The following POU6F2 variants were observed in gnomAD, a reference collection of about 807,000 sequenced individuals.
The protein encoded by POU6F2 is POU class 6 homeobox 2, also known as POU domain, class 6, transcription factor 2.
Under a neutral mutation model 71.3 loss-of-function variants are expected in POU6F2, and 31 were observed. The ratio of observed to expected loss-of-function variants is 0.43; its 90% confidence interval spans 0.33 to 0.59. The LOEUF (loss-of-function observed/expected upper bound fraction) is 0.59, where lower values mean the gene tolerates loss of function less well. Among genes scored for constraint, POU6F2 ranks in the 20% least tolerant of loss-of-function variants. POU6F2 has a pLI of 0.04. For synonymous variants in POU6F2, 347 were observed against 355.7 expected (o/e 0.98, Z 0.27); for missense variants, 783 against 856.8 (o/e 0.91, Z 1.07).
intron 1 of POU6F2, among the ~76,000 whole-genome samples, chr7:38,981,403 C>T (rs1042296435): frequency 3.3e-5 from 5 of 152,098 alleles, no homozygotes; most frequent in African/African-American, 1.2e-4. Context: ...ACTGCTGTCC[C>T]CAGAGGACTT....
chr7:39,456,803 A>G (rs1412225931), intron 8 of POU6F2, among the ~76,000 whole-genome samples: 4 of 152,240 alleles, frequency 2.6e-5, no homozygotes, highest in African/African-American at 7.2e-5. Flanking sequence ...TTTAAATTTC[A>G]TAAGAATTTC....
chr7:39,329,512 G>A (rs978993623), intron 4 of POU6F2, among the ~76,000 whole-genome samples: 3 of 152,096 alleles, frequency 2.0e-5, no homozygotes, highest in Admixed American at 2.0e-4. Flanking sequence ...CTTAGGCACC[G>A]AAGTCACCGC....
At chr7:39,345,563 CAAAT>C (rs1786017244) in intron 5 of POU6F2, among the ~76,000 whole-genome samples, 3 of 152,140 alleles carry the variant, frequency 2.0e-5, no homozygotes, top group South Asian at 4.1e-4. Context: ...TTATGACAAT[CAAAT>C]AACTCTTTTG....
intron 4 of POU6F2, among the ~76,000 whole-genome samples, chr7:39,283,732 C>T (rs1380940681): frequency 6.6e-6 from 1 of 152,156 alleles, no homozygotes; most frequent in African/African-American, 2.4e-5. Context: ...TTTAAGCTTA[C>T]TTTATTTTAA....
chr7:39,231,200 A>G (rs1326579922), intron 4 of POU6F2, among the ~76,000 whole-genome samples: 1 of 152,244 alleles, frequency 6.6e-6, no homozygotes, highest in Non-Finnish European at 1.5e-5. Context: ...TGACTTTACA[A>G]TCTGAAAGTG....
At chr7:39,041,456 A>G (rs1231391948) in intron 1 of POU6F2, among the ~76,000 whole-genome samples, 1 of 151,956 alleles carries the variant, frequency 6.6e-6, no homozygotes, top group African/African-American at 2.4e-5. Context: ...TTATACATCA[A>G]CCAATTCTCC....
chr7:39,188,957 T>G (rs942519939), intron 2 of POU6F2, among the ~76,000 whole-genome samples: 1 of 152,186 alleles, frequency 6.6e-6, no homozygotes, highest in Non-Finnish European at 1.5e-5. Context: ...ACCAAATGTA[T>G]CTCCCTGTAC....
intron 3 of POU6F2, 139 bp from the exon 4 acceptor site, chr7:39,207,253 T>C (rs1329229182): frequency 2.3e-5 from 16 of 703,696 alleles, no homozygotes; most frequent in Non-Finnish European, 3.1e-5. Flanking sequence ...ACCAATCATT[T>C]TTTTTTAATG....
intron 2 of POU6F2, among the ~76,000 whole-genome samples, chr7:39,182,156 A>G (rs991749949): frequency 1.3e-5 from 2 of 152,248 alleles, no homozygotes; most frequent in African/African-American, 4.8e-5. Context: ...GTCACATTTT[A>G]AATAATACGA....
chr7:39,168,554 T>C (rs762439989), intron 2 of POU6F2, among the ~76,000 whole-genome samples: 2 of 152,190 alleles, frequency 1.3e-5, no homozygotes, highest in Admixed American at 1.3e-4. Flanking sequence ...GTTAAAATCA[T>C]TGGTCACGAG....
rs549765017 is a variant in POU6F2 at position 39,190,783 on chromosome 7, A to G, written c.278-13452A>G. On this transcript the variant is annotated intron_variant, in intron 2 of 9. Transcript: ENST00000518318. ...CTCCTGAGTAGCTGGGATTACAGGC[A>G]TGCACCACCATGCCTGGTTAATTTT... is the stretch of plus-strand genomic sequence containing the variant. Among the ~76,000 whole-genome samples, 280 of 151,874 alleles carry G rather than the reference A, an allele frequency of 1.8e-3. 1 individual carries two copies. The highest frequency in any genetic ancestry group is 6.4e-3 in the African/African-American group (265 of 41,420).
chr7:39,167,299 C>T (rs1217047874), intron 2 of POU6F2, among the ~76,000 whole-genome samples: 1 of 152,118 alleles, frequency 6.6e-6, no homozygotes, highest in Non-Finnish European at 1.5e-5. Flanking sequence ...TAATATCTGC[C>T]TATAGCAGTG....
chr7:39,063,169 G>A (rs568106195), intron 1 of POU6F2, among the ~76,000 whole-genome samples: 159 of 152,234 alleles, frequency 1.0e-3, no homozygotes, highest in Non-Finnish European at 1.8e-3. Flanking sequence ...ATGATTTACG[G>A]TAAAAATCAG....
intron 4 of POU6F2, among the ~76,000 whole-genome samples, chr7:39,217,109 T>A (rs555506386): frequency 3.3e-5 from 5 of 152,344 alleles, no homozygotes; most frequent in Non-Finnish European, 2.9e-5. Context: ...ACATAATTAC[T>A]AGTGTTGCCA....
intron 4 of POU6F2, among the ~76,000 whole-genome samples, chr7:39,246,557 C>T (rs938387298): frequency 3.9e-5 from 6 of 152,112 alleles, no homozygotes; most frequent in Non-Finnish European, 8.8e-5. Flanking sequence ...GTTATTTAAC[C>T]TGTGTGAGCC....
chr7:39,071,593 C>T (rs1006099007), intron 1 of POU6F2, among the ~76,000 whole-genome samples: 1 of 151,532 alleles, frequency 6.6e-6, no homozygotes, highest in African/African-American at 2.4e-5. Flanking sequence ...GTGGGAGGAT[C>T]ACTTGAACCC....
intron 5 of POU6F2, among the ~76,000 whole-genome samples, chr7:39,376,399 T>A (rs1786711249): frequency 6.6e-6 from 1 of 152,108 alleles, no homozygotes; most frequent in East Asian, 1.9e-4. Context: ...GGAGGGGTAT[T>A]CATAGGAGGA....
At chr7:39,163,528 G>A (rs531070053) in intron 2 of POU6F2, among the ~76,000 whole-genome samples, 2 of 152,254 alleles carry the variant, frequency 1.3e-5, no homozygotes, top group Non-Finnish European at 2.9e-5. Context: ...GGCATCCTGT[G>A]GATCTGTCTC....
At chr7:39,051,694 C>T (rs1790403703) in intron 1 of POU6F2, among the ~76,000 whole-genome samples, 1 of 151,982 alleles carries the variant, frequency 6.6e-6, no homozygotes, top group African/African-American at 2.4e-5. Flanking sequence ...GCCATCCTCT[C>T]CTGAAAAAGA....
Sources: allele counts gnomAD v4.1 joint callset (sites outside exome capture counted in the v4.1 genomes callset), GRCh38; gene constraint gnomAD v4.1.1; transcripts MANE v1.5; gene names NCBI Gene and HGNC (gene_info 2026-07-23, HGNC 2026-07-21).